The following SMAP1 variants were observed in gnomAD, a reference collection of about 807,000 sequenced individuals.
SMAP1 encodes small ArfGAP 1, also known as stromal membrane-associated protein 1.
Under a neutral mutation model 58.5 loss-of-function variants are expected in SMAP1, and 24 were observed. The ratio of observed to expected loss-of-function variants is 0.41; its 90% CI spans 0.30 to 0.58. The LOEUF is 0.58. Ranked by LOEUF, SMAP1 falls within the 20% of genes least tolerant of loss-of-function variation. The probability of loss-of-function intolerance (pLI) is 0.29; values close to 1 mark genes in which losing one functional copy is unlikely to be tolerated. For synonymous variants in SMAP1, 216 were observed against 196.6 expected, an observed-to-expected ratio of 1.10 and a Z score of -0.82; for missense variants, 563 against 566.3, an observed-to-expected ratio of 0.99 and a Z score of 0.06.
intron 4 of SMAP1, among the ~76,000 whole-genome samples, chr6:70,780,766 C>T (rs753080506): frequency 1.1e-4 from 16 of 152,156 alleles, no homozygotes; most frequent in African/African-American, 3.9e-4. Context: ...TTTCCCCTTG[C>T]GCCATGCTGT....
intron 3 of SMAP1, among the ~76,000 whole-genome samples, chr6:70,770,043 T>C (rs184194730): frequency 6.6e-6 from 1 of 151,530 alleles, no homozygotes; most frequent in African/African-American, 2.5e-5. Context: ...AAATTCTGGC[T>C]TGAAAATTCT....
chr6:70,784,107 G>A (rs1201713190), intron 4 of SMAP1, among the ~76,000 whole-genome samples: 1 of 152,196 alleles, frequency 6.6e-6, no homozygotes, highest in Non-Finnish European at 1.5e-5. Context: ...TGACCTCTCG[G>A]CAGAAACTCT....
At chr6:70,846,403 C>T (rs1055377057) in intron 7 of SMAP1, among the ~76,000 whole-genome samples, 8 of 152,128 alleles carry the variant, frequency 5.3e-5, no homozygotes, top group East Asian at 1.9e-4. Flanking sequence ...GGTCATGGCT[C>T]GGGGCTATAA....
chr6:70,801,170 C>T (rs1162068987), intron 6 of SMAP1, among the ~76,000 whole-genome samples: 1 of 152,192 alleles, frequency 6.6e-6, no homozygotes, highest in African/African-American at 2.4e-5. Flanking sequence ...CACATCCTCT[C>T]CAACATCTGT....
intron 6 of SMAP1, among the ~76,000 whole-genome samples, chr6:70,805,262 A>G (rs1769069636): frequency 6.6e-6 from 1 of 152,100 alleles, no homozygotes; most frequent in Non-Finnish European, 1.5e-5. Context: ...ATCTTCAATC[A>G]CTGATATCCT....
intron 1 of SMAP1, among the ~76,000 whole-genome samples, chr6:70,700,750 C>T (rs1375203303): frequency 1.3e-5 from 2 of 152,218 alleles, no homozygotes; most frequent in Non-Finnish European, 2.9e-5. Context: ...GGGTCTTACC[C>T]AAGGCCTGCA....
intron 1 of SMAP1, among the ~76,000 whole-genome samples, chr6:70,695,431 C>A (rs1236479529): frequency 6.6e-6 from 1 of 151,998 alleles, no homozygotes; most frequent in African/African-American, 2.4e-5. Context: ...TCATATATGG[C>A]TTTTATTGTG....
intron 3 of SMAP1, among the ~76,000 whole-genome samples, chr6:70,758,667 C>G (rs1020579407): frequency 6.6e-6 from 1 of 151,932 alleles, no homozygotes; most frequent in Non-Finnish European, 1.5e-5. Flanking sequence ...AATACTTATA[C>G]AGCCCAAAAT....
At chr6:70,685,140 T>G (rs1766882678) in intron 1 of SMAP1, among the ~76,000 whole-genome samples, 2 of 152,200 alleles carry the variant, frequency 1.3e-5, no homozygotes, top group Non-Finnish European at 2.9e-5. Flanking sequence ...AGTTTTTTTT[T>G]TTGAGCACTC....
intron 4 of SMAP1, among the ~76,000 whole-genome samples, chr6:70,776,337 C>T (rs776639738): frequency 1.9e-4 from 29 of 152,094 alleles, no homozygotes; most frequent in African/African-American, 6.5e-4. Flanking sequence ...CGTGCTACCA[C>T]GCCCAGCTAA....
At chr6:70,839,995 G>A (rs554781301) in intron 7 of SMAP1, among the ~76,000 whole-genome samples, 12 of 152,238 alleles carry the variant, frequency 7.9e-5, no homozygotes, top group Middle Eastern at 3.4e-3. Context: ...GAAGCATGCC[G>A]CTCTCCTCCA....
At chr6:70,826,934 C>CAAAAAAAAAAA (rs61069311) in intron 6 of SMAP1, among the ~76,000 whole-genome samples, 38 of 76,484 alleles carry the variant, frequency 5.0e-4, no homozygotes, top group Middle Eastern at 8.6e-3. Flanking sequence ...AACCGTGTCT[C>CAAAAAAAAAAA]AAAAAAAAAA....
At chr6:70,788,387 A>G (rs894335931) in intron 4 of SMAP1, among the ~76,000 whole-genome samples, 45 of 151,850 alleles carry the variant, frequency 3.0e-4, no homozygotes, top group Admixed American at 3.9e-4. Context: ...CCAACATGGC[A>G]CATGTATACA....
intron 3 of SMAP1, among the ~76,000 whole-genome samples, chr6:70,760,470 C>T (rs1766703505): frequency 1.3e-5 from 2 of 151,818 alleles, no homozygotes; most frequent in African/African-American, 4.8e-5. Context: ...GAGACTAGTC[C>T]CCATATCTAA....
At chr6:70,772,365 C>G (rs1455016530) in intron 3 of SMAP1, among the ~76,000 whole-genome samples, 1 of 152,138 alleles carries the variant, frequency 6.6e-6, no homozygotes, top group East Asian at 1.9e-4. Context: ...GCCCAGGTAA[C>G]TTTTCTTTTG....
chr6:70,809,926 G>A (rs552438936), intron 6 of SMAP1, among the ~76,000 whole-genome samples: 47 of 152,102 alleles, frequency 3.1e-4, no homozygotes, highest in Non-Finnish European at 5.6e-4. Context: ...GCATTTTAGT[G>A]TTGCTTCCCT....
intron 6 of SMAP1, among the ~76,000 whole-genome samples, chr6:70,834,486 GTT>G (rs1770490241): frequency 6.6e-6 from 1 of 152,004 alleles, no homozygotes; most frequent in Non-Finnish European, 1.5e-5. Context: ...GAATGAAAGT[GTT>G]TGGCCAGATT....
chr6:70,839,057 G>C (rs79716429), intron 7 of SMAP1, among the ~76,000 whole-genome samples: 3 of 152,140 alleles, frequency 2.0e-5, no homozygotes, highest in Non-Finnish European at 4.4e-5. Flanking sequence ...GTTGACAAAC[G>C]GTATGAGTGG....
In SMAP1 at chr6:70,771,539, G is replaced by A. The variant is rs569760481; in HGVS notation, c.339-1811G>A. Among the ~76,000 whole-genome samples, 11 of 152,326 alleles carry A rather than the reference G, an allele frequency of 7.2e-5. No homozygotes were observed. The South Asian group carries it at 1.4e-3, about 20-fold the overall frequency. On this transcript the variant is annotated intron_variant, in intron 3 of 10. Transcript: ENST00000370455. ...CAGCAATCAGCAAGACTCCGGGGGC[G>A]TAGGACCCTCCGAGCCAGGTGTGGG...
Sources: allele counts gnomAD v4.1 joint callset (sites outside exome capture counted in the v4.1 genomes callset), GRCh38; gene constraint gnomAD v4.1.1; transcripts MANE v1.5; gene names NCBI Gene and HGNC (gene_info 2026-07-23, HGNC 2026-07-21).